Variants in PHACTR2 observed in about 807,000 individuals in gnomAD.
The protein encoded by PHACTR2 is chromosome 6 open reading frame 56.
PHACTR2 carries 30 observed loss-of-function variants against 76.0 expected under a neutral mutation model. That is an observed-to-expected ratio of 0.39 (90% confidence interval 0.30 to 0.54). PHACTR2 has a LOEUF of 0.54. PHACTR2 is among the 20% of genes least tolerant of loss of function. The pLI, the probability that PHACTR2 is intolerant of heterozygous loss-of-function variation, is 0.61. For synonymous variants in PHACTR2, 292 were observed against 292.5 expected, an observed-to-expected ratio of 1.00 and a Z score of 0.02; for missense variants, 696 against 781.1, an observed-to-expected ratio of 0.89 and a Z score of 1.30.
intron 2 of PHACTR2, among the ~76,000 whole-genome samples, chr6:143,725,286 C>T (rs1236139355): frequency 4.0e-5 from 6 of 148,506 alleles, no homozygotes; most frequent in South Asian, 2.2e-4. Context: ...CGGCAAGCTC[C>T]GCCTCCTGGG....
At position 143,753,688 on chromosome 6, in the gene PHACTR2, A is replaced by T. The variant is rs1031397539; in HGVS notation, c.296-66A>T. On this transcript the variant is annotated intron_variant, in intron 3 of 12. Transcript: ENST00000440869. The surrounding 1 kb of genome is among the most constrained non-coding windows in gnomAD (Gnocchi z 4.6). ...TGAATCTAAATTTTACAATCCTAGT[A>T]ACTGGAAAACTTGTTTTTAAGAAAG... 2.2e-5 allele frequency: 25 copies of T among 1,152,042 alleles called. No individual in the cohort carries two copies. The East Asian group carries it at 5.7e-4, about 26-fold the overall frequency. The allele number at this position is 1,152,042 out of a possible 1,614,324, so 71.4% of individuals were successfully genotyped here.
At position 143,803,270 on chromosome 6, in the gene PHACTR2, G is replaced by A. The variant is rs978793015; in HGVS notation, c.1846-3787G>A. Among the ~76,000 whole-genome samples the A allele has an allele frequency of 2.6e-5, 4 of 152,210 alleles. No individual in the cohort carries two copies. Among genetic ancestry groups the A allele is most frequent in the South Asian group, 2.1e-4 (1 of 4,830 alleles). On this transcript the variant is annotated intron_variant, in intron 11 of 12. Transcript: ENST00000440869. The surrounding 1 kb of genome is among the most constrained non-coding windows in gnomAD (Gnocchi z 4.7). ...TCAATGTGAAAATAAAATAGAGGCC[G>A]ATTGCAGTGGCTCACGCCTGTAGTT...
rs1422168873 is a variant in PHACTR2 at position 143,795,727 on chromosome 6, T to C, written c.1845+6817T>C. 6.6e-6 allele frequency among the ~76,000 whole-genome samples: 1 copy of C among 152,216 alleles called. No homozygotes were observed. Among genetic ancestry groups the C allele is most frequent in the Non-Finnish European group, 1.5e-5 (1 of 68,030 alleles). ...CCTTGACTTGGCCACTTAGTAGTTG[T>C]TTGACCTTGGCCAAGTCATTTAACC... On this transcript the variant is annotated intron_variant, in intron 11 of 12. Transcript: ENST00000440869. This position sits in a 1 kb window ranked among gnomAD's most constrained non-coding sequence, Gnocchi z 4.8.
chr6:143,645,682 G>A (rs1776647439), intron 1 of PHACTR2, among the ~76,000 whole-genome samples: 1 of 152,186 alleles, frequency 6.6e-6, no homozygotes, highest in Non-Finnish European at 1.5e-5. Flanking sequence ...CCATTCTTGA[G>A]AATGTAATGT....
chr6:143,741,393 T>C (rs1778939437), intron 2 of PHACTR2, among the ~76,000 whole-genome samples: 1 of 152,162 alleles, frequency 6.6e-6, no homozygotes, highest in African/African-American at 2.4e-5. Context: ...CTCAGTAGGC[T>C]GAGGCAGGAG....
In PHACTR2 at chr6:143,753,628, G is replaced by C; in HGVS notation, c.296-126G>C. On this transcript the variant is annotated intron_variant, in intron 3 of 12. Transcript: ENST00000440869. This position sits in a 1 kb window ranked among gnomAD's most constrained non-coding sequence, Gnocchi z 4.6. ...TTGTTTTGAATAAACCGGTGAAACA[G>C]TGCAGGGTGTATTTGGTTCCCAGGG... 2 of 638,666 alleles carry C rather than the reference G, an allele frequency of 3.1e-6. No homozygotes were observed. Among genetic ancestry groups the C allele is most frequent in the African/African-American group, 1.8e-5 (1 of 54,134 alleles). The allele number at this position is 638,666 out of a possible 1,614,324, so 39.6% of individuals were successfully genotyped here.
At position 143,646,340 on chromosome 6, in the gene PHACTR2, A is replaced by G. The variant is rs1287352234; in HGVS notation, c.13+38018A>G. Among the ~76,000 whole-genome samples, 1 of 152,198 alleles carries G rather than the reference A, an allele frequency of 6.6e-6. No individual in the cohort carries two copies. Among genetic ancestry groups the G allele is most frequent in the Non-Finnish European group, 1.5e-5 (1 of 68,020 alleles). On this transcript the variant is annotated intron_variant, in intron 1 of 11. Coordinates refer to the PHACTR2 transcript ENST00000305766. The surrounding 1 kb of genome is among the most constrained non-coding windows in gnomAD (Gnocchi z 4.1). ...TCCTAAATAGAACAAGCATTTATCT[A>G]ACCTTAATATCATAGCATAACTCCT...
At chr6:143,740,908 A>G (rs1778926055) in intron 2 of PHACTR2, among the ~76,000 whole-genome samples, 1 of 152,206 alleles carries the variant, frequency 6.6e-6, no homozygotes, top group African/African-American at 2.4e-5. Context: ...TGGAAAATGT[A>G]TTTAGTCTCT....
At chr6:143,711,781 T>C in intron 1 of PHACTR2, 1 of 696,340 alleles carries the variant, frequency 1.4e-6, no homozygotes, top group South Asian at 1.4e-5. Context: ...ATAATGTAAG[T>C]CTCTTGCTTC....
chr6:143,572,244 A>T (rs1484731069), intron 1 of PHACTR2, among the ~76,000 whole-genome samples: 2 of 152,098 alleles, frequency 1.3e-5, no homozygotes, highest in African/African-American at 4.8e-5. Context: ...TCCCCTCATC[A>T]TATTTTGTCC....
chr6:143,546,602 T>C lies in PHACTR2; in HGVS notation c.217+9395T>C, dbSNP rs567227025. Among the ~76,000 whole-genome samples, 33 of 152,202 alleles carry C rather than the reference T, an allele frequency of 2.2e-4. No homozygotes were observed. Among genetic ancestry groups the C allele is most frequent in the Non-Finnish European group, 4.7e-4 (32 of 68,030 alleles). On this transcript the variant is annotated intron_variant, in intron 1 of 11. Transcript: ENST00000367584. The surrounding 1 kb of genome is among the most constrained non-coding windows in gnomAD (Gnocchi z 4.9). ...TGGAGGTATAATTTCTATTAAATAA[T>C]CTTCAAGTAGCCTAAATATCAAGAA...
rs1483367846 is a variant in PHACTR2 at position 143,800,999 on chromosome 6, T to C, written c.1846-6058T>C. Among the ~76,000 whole-genome samples, 2 of 152,220 alleles carry C rather than the reference T, an allele frequency of 1.3e-5. No individual in the cohort carries two copies. The highest frequency in any genetic ancestry group is 2.9e-5 in the Non-Finnish European group (2 of 68,040). ...TGAAATTTTGGGTTGAAAATTCTTT[T>C]CTTTAAGAATGTTGAATATTGACCC... On this transcript the variant is annotated intron_variant, in intron 11 of 12. Transcript: ENST00000440869. This position sits in a 1 kb window ranked among gnomAD's most constrained non-coding sequence, Gnocchi z 4.8.
rs1239583388 is a variant in PHACTR2, at chr6:143,628,922, GAGATATATATATATATATAT to G, written c.13+20602_13+20621del. ...AAAGAAGATGAATGTTTAAATGCAG[GAGATATATATATATATATAT>G]ATATATATATATATATATATATATA... On this transcript the variant is annotated intron_variant, in intron 1 of 11. Transcript: ENST00000305766. Among the ~76,000 whole-genome samples, 392 of 104,488 alleles carry G rather than the reference GAGATATATATATATATATAT, an allele frequency of 3.8e-3. 15 individuals are homozygous for G. The highest frequency in any genetic ancestry group is 0.013 in the African/African-American group (322 of 25,610). 68.5% of individuals were successfully genotyped at this position (104,488 alleles called of 152,430 possible).
At chr6:143,677,932 A>AC, upstream of PHACTR2, 1 of 979,792 alleles carries the variant, frequency 1.0e-6, no homozygotes. Context: ...GTGACCCCTG[A>AC]CCCCAGCTAA....
At position 143,648,977 on chromosome 6, in the gene PHACTR2, T is replaced by G. The variant is rs1483535285; in HGVS notation, c.13+40655T>G. On this transcript the variant is annotated intron_variant, in intron 1 of 11. Transcript: ENST00000305766. The surrounding 1 kb of genome is among the most constrained non-coding windows in gnomAD (Gnocchi z 6.7). ...GTGTCTGTGTGTCTATGTGTATGACTGTTTCTATGTATGTCTCTGTGTGTC... is the reference window on the plus strand; with the variant it reads ...GTGTCTGTGTGTCTATGTGTATGACGGTTTCTATGTATGTCTCTGTGTGTC... 6.8e-6 allele frequency among the ~76,000 whole-genome samples: 1 copy of G among 147,558 alleles called. No homozygotes were observed. The highest frequency in any genetic ancestry group is 6.7e-5 in the Admixed American group (1 of 14,926).
At position 143,580,472 on chromosome 6, in the gene PHACTR2, G is replaced by C. The variant is rs1401511183; in HGVS notation, c.217+43265G>C. On this transcript the variant is annotated intron_variant, in intron 1 of 11. Coordinates refer to the PHACTR2 transcript ENST00000367584. The surrounding 1 kb of genome is among the most constrained non-coding windows in gnomAD (Gnocchi z 4.2). ...TGCACTCCAGCCTGGGCGACAGAGCGAGACTCCGTCTCAAACAAAACAAAA... is the reference window on the plus strand; with the variant it reads ...TGCACTCCAGCCTGGGCGACAGAGCCAGACTCCGTCTCAAACAAAACAAAA... Among the ~76,000 whole-genome samples the C allele has an allele frequency of 6.6e-6, 1 of 151,194 alleles. No individual in the cohort carries two copies. Among genetic ancestry groups the C allele is most frequent in the Admixed American group, 6.6e-5 (1 of 15,210 alleles).
At chr6:143,747,674 C>A (rs1779096191) in intron 2 of PHACTR2, among the ~76,000 whole-genome samples, 1 of 152,192 alleles carries the variant, frequency 6.6e-6, no homozygotes. Context: ...ACCAGTGTAG[C>A]TTTCCTGCTC....
rs528424898 is a variant in PHACTR2, at chr6:143,784,623, A to G, written c.1707+1343A>G. On this transcript the variant is annotated intron_variant, in intron 10 of 12. Transcript: ENST00000440869. This position sits in a 1 kb window ranked among gnomAD's most constrained non-coding sequence, Gnocchi z 4.5. ...TTGGTTCTGTTTTTCAAGGAAAAACATCCTTAATTTATCCATTGTATTAGT... is the reference window on the plus strand; with the variant it reads ...TTGGTTCTGTTTTTCAAGGAAAAACGTCCTTAATTTATCCATTGTATTAGT... 3.5e-4 allele frequency among the ~76,000 whole-genome samples: 53 copies of G among 152,346 alleles called. No individual in the cohort carries two copies. Among genetic ancestry groups the G allele is most frequent in the African/African-American group, 1.0e-3 (42 of 41,574 alleles).
chr6:143,618,256 A>AACACACACACAC lies in PHACTR2; in HGVS notation c.13+9953_13+9964dup, dbSNP rs66800720. 2.0e-3 allele frequency among the ~76,000 whole-genome samples: 289 copies of AACACACACACAC among 145,294 alleles called. 1 individual carries two copies. Among genetic ancestry groups the AACACACACACAC allele is most frequent in the African/African-American group, 6.7e-3 (260 of 38,902 alleles). On this transcript the variant is annotated intron_variant, in intron 1 of 11. Coordinates refer to the PHACTR2 transcript ENST00000305766. This position sits in a 1 kb window ranked among gnomAD's most constrained non-coding sequence, Gnocchi z 5.2. ...GTTCCACCTTGTACTTCCTGCTCCA[A>AACACACACACAC]ACACACACACACACACACACACACA...
Sources: gnomAD v4.1 joint callset for allele counts (sites outside exome capture counted in the v4.1 genomes callset) on GRCh38, gnomAD v4.1.1 for gene constraint, Gnocchi (gnomAD v3.1) non-coding constraint, MANE v1.5 for transcripts, NCBI Gene and HGNC (gene_info 2026-07-23, HGNC 2026-07-21) for gene names.